The following ZNF148 variants were observed in gnomAD, a reference collection of about 807,000 sequenced individuals.
ZNF148 encodes the protein Beta-Enolase Repressor Factor-1.
A neutral mutation model predicts 67.7 loss-of-function variants in ZNF148; 7 were observed. The observed-to-expected ratio is 0.10, with a 90% CI of 0.06 to 0.19. The LOEUF is 0.19. ZNF148 is among the 10% of genes least tolerant of loss of function. ZNF148 has a pLI of 1.00. For missense variants in ZNF148, 583 were observed against 947.1 expected (o/e 0.62, Z 5.05); for synonymous variants, 333 against 330.7 (o/e 1.01, Z -0.08).
Position 125,230,468 on chromosome 3 carries a change from T to G in ZNF148, c.*1873A>C, listed in dbSNP as rs555738769. ...GAAAGCTGTCAAACGGGAAAACTAC[T>G]ATTTCAAGCAAAACTTAATAACCAA... On this transcript the variant is annotated 3_prime_UTR_variant, in exon 9 of 9. Coordinates refer to ENST00000360647, the MANE Select transcript of ZNF148 (RefSeq NM_021964.3). 6 of 152,666 alleles carry G rather than the reference T, an allele frequency of 3.9e-5. No individual in the cohort carries two copies. The highest frequency in any genetic ancestry group is 1.4e-4 in the African/African-American group (6 of 41,556). The allele number at this position is 152,666 out of a possible 1,614,324, so 9.5% of individuals were successfully genotyped here.
intron 7 of ZNF148, among the ~76,000 whole-genome samples, chr3:125,273,027 T>C (rs538249666): frequency 1.3e-5 from 2 of 152,340 alleles, no homozygotes; most frequent in East Asian, 1.9e-4. Context: ...TCTTTAACAT[T>C]TTCTTTCATA....
intron 5 of ZNF148, among the ~76,000 whole-genome samples, chr3:125,281,487 A>G (rs9879936): frequency 0.77 from 117,263 of 152,126 alleles, 45,751 homozygotes; most frequent in African/African-American, 0.85. Flanking sequence ...AAATAAGAAA[A>G]TCCAACTGCC....
intron 1 of ZNF148, among the ~76,000 whole-genome samples, chr3:125,332,301 T>C (rs958288667): frequency 6.6e-6 from 1 of 152,180 alleles, no homozygotes; most frequent in East Asian, 1.9e-4. Context: ...CTCAATGTTT[T>C]GCAGCCAAGC....
intron 1 of ZNF148, among the ~76,000 whole-genome samples, chr3:125,370,351 G>A (rs942524406): frequency 2.6e-5 from 4 of 152,044 alleles, no homozygotes; most frequent in African/African-American, 4.8e-5. Flanking sequence ...TACCCCCAAA[G>A]TACTCAGCAA....
intron 7 of ZNF148, among the ~76,000 whole-genome samples, chr3:125,270,513 C>T (rs1017675458): frequency 6.6e-6 from 1 of 151,882 alleles, no homozygotes; most frequent in African/African-American, 2.4e-5. Context: ...ATATCTAGAC[C>T]CAACTGAATG....
chr3:125,294,125 G>A (rs1465730396), intron 4 of ZNF148, among the ~76,000 whole-genome samples: 1 of 152,086 alleles, frequency 6.6e-6, no homozygotes, highest in Non-Finnish European at 1.5e-5. Flanking sequence ...ATCTAACCAT[G>A]AGAAAACACC....
At chr3:125,326,258 A>G (rs1213465773) in intron 2 of ZNF148, among the ~76,000 whole-genome samples, 1 of 152,154 alleles carries the variant, frequency 6.6e-6, no homozygotes, top group Non-Finnish European at 1.5e-5. Flanking sequence ...CTCCATAAAC[A>G]TATTTTTCTC....
chr3:125,234,662 T>A (rs1323118587), intron 7 of ZNF148, among the ~76,000 whole-genome samples: 1 of 152,182 alleles, frequency 6.6e-6, no homozygotes, highest in African/African-American at 2.4e-5. Flanking sequence ...AAATATTGTA[T>A]AACAGTAAAA....
chr3:125,375,033 C>T (rs1354486619), intron 1 of ZNF148, 69 bp downstream of exon 1: 26 of 151,644 alleles, frequency 1.7e-4, no homozygotes, highest in Non-Finnish European at 1.5e-5. Context: ...GCGCGCTCCC[C>T]CCGCGCGCCG....
At chr3:125,362,850 T>C (rs2333200) in intron 1 of ZNF148, among the ~76,000 whole-genome samples, 115,395 of 152,050 alleles carry the variant, frequency 0.76, 44,342 homozygotes, top group African/African-American at 0.86. Flanking sequence ...CTACCATGCT[T>C]GGCCAGTCCT....
At chr3:125,354,718 T>C (rs1942279481) in intron 1 of ZNF148, among the ~76,000 whole-genome samples, 1 of 152,242 alleles carries the variant, frequency 6.6e-6, no homozygotes, top group South Asian at 2.1e-4. Flanking sequence ...GCCTAAGCTA[T>C]CATAACTAAC....
At chr3:125,244,199 T>C (rs1053554592) in intron 7 of ZNF148, among the ~76,000 whole-genome samples, 7 of 152,190 alleles carry the variant, frequency 4.6e-5, no homozygotes, top group Non-Finnish European at 7.3e-5. Context: ...CAATGTGATG[T>C]TTCTCCCTGG....
At chr3:125,291,665 A>G (rs576386963) in intron 4 of ZNF148, among the ~76,000 whole-genome samples, 7 of 152,152 alleles carry the variant, frequency 4.6e-5, no homozygotes, top group Non-Finnish European at 7.4e-5. Context: ...AAGCACACTG[A>G]AATTTCCCCT....
chr3:125,355,992 C>T (rs1490336596), intron 1 of ZNF148, among the ~76,000 whole-genome samples: 1 of 152,102 alleles, frequency 6.6e-6, no homozygotes, highest in Non-Finnish European at 1.5e-5. Context: ...GCTAAAAGTG[C>T]TCAAGTTACT....
chr3:125,354,464 C>T (rs1942270999), intron 1 of ZNF148, among the ~76,000 whole-genome samples: 1 of 152,208 alleles, frequency 6.6e-6, no homozygotes, highest in Non-Finnish European at 1.5e-5. Context: ...TCTGACAATA[C>T]ACTGCTTAAG....
chr3:125,298,346 T>TATAC (rs1939395314), intron 4 of ZNF148, among the ~76,000 whole-genome samples: 1 of 145,654 alleles, frequency 6.9e-6, no homozygotes, highest in East Asian at 2.0e-4. Context: ...TAAATGTGCA[T>TATAC]ACACACACAC....
intron 4 of ZNF148, chr3:125,311,013 G>T: frequency 5.0e-6 from 1 of 201,694 alleles, no homozygotes; most frequent in Non-Finnish European, 1.1e-5. Context: ...GATCCACACA[G>T]GCCACAGGCT....
intron 3 of ZNF148, among the ~76,000 whole-genome samples, chr3:125,319,921 C>T (rs1940694634): frequency 6.6e-6 from 1 of 152,228 alleles, no homozygotes. Context: ...TCACCACCTG[C>T]TCTTAAGGCC....
chr3:125,314,573 G>A (rs1442880525), intron 3 of ZNF148, among the ~76,000 whole-genome samples: 2 of 152,128 alleles, frequency 1.3e-5, no homozygotes, highest in Non-Finnish European at 2.9e-5. Flanking sequence ...ATCATTAACA[G>A]AGAAAACTTT....
Sources: allele counts gnomAD v4.1 joint callset (sites outside exome capture counted in the v4.1 genomes callset), GRCh38; gene constraint gnomAD v4.1.1; transcripts MANE v1.5; gene names NCBI Gene and HGNC (gene_info 2026-07-23, HGNC 2026-07-21).